The following SRGAP1 variants were observed in gnomAD, a reference collection of about 807,000 sequenced individuals.
The protein encoded by SRGAP1 is SLIT-ROBO Rho GTPase-activating protein 1.
SRGAP1 carries 43 observed loss-of-function variants against 121.9 expected under a neutral mutation model. That is an observed-to-expected ratio of 0.35 (90% confidence interval 0.28 to 0.46). The LOEUF (loss-of-function observed/expected upper bound fraction) is 0.46, where lower values mean the gene tolerates loss of function less well. SRGAP1 is among the 20% of genes least tolerant of loss of function. The pLI is 1.00. For missense variants in SRGAP1, 1,102 were observed against 1,350.9 expected, an observed-to-expected ratio of 0.82 and a Z score of 2.89; for synonymous variants, 447 against 485.4, an observed-to-expected ratio of 0.92 and a Z score of 1.04.
intron 3 of SRGAP1, among the ~76,000 whole-genome samples, chr12:64,016,247 G>A (rs557393694): frequency 3.3e-5 from 5 of 152,176 alleles, no homozygotes; most frequent in African/African-American, 1.2e-4. Context: ...GACCAGTCTG[G>A]GCAATATGGT....
At chr12:64,104,224 A>G (rs1428985335) in intron 15 of SRGAP1, among the ~76,000 whole-genome samples, 2 of 152,338 alleles carry the variant, frequency 1.3e-5, no homozygotes, top group East Asian at 3.9e-4. Flanking sequence ...ACATGGAGCT[A>G]TCTAACCCGC....
intron 1 of SRGAP1, among the ~76,000 whole-genome samples, chr12:63,883,571 A>G (rs1489909051): frequency 1.3e-5 from 2 of 152,194 alleles, no homozygotes; most frequent in African/African-American, 2.4e-5. Flanking sequence ...ATGTCTTCAC[A>G]CTGACAGCCC....
At chr12:64,066,379 C>A (rs1489084736) in intron 8 of SRGAP1, among the ~76,000 whole-genome samples, 1 of 152,142 alleles carries the variant, frequency 6.6e-6, no homozygotes, top group East Asian at 1.9e-4. Context: ...CATTGGCCAA[C>A]CTGGAGAATG....
intron 1 of SRGAP1, among the ~76,000 whole-genome samples, chr12:63,961,333 A>T (rs1482884426): frequency 1.3e-5 from 2 of 152,022 alleles, no homozygotes; most frequent in African/African-American, 4.8e-5. Context: ...TGCCCCTAAT[A>T]TTGGCTAGCA....
At chr12:64,138,500 T>C (rs2036898405) in intron 21 of SRGAP1, among the ~76,000 whole-genome samples, 1 of 140,086 alleles carries the variant, frequency 7.1e-6, no homozygotes, top group Non-Finnish European at 1.5e-5. Flanking sequence ...TCACCCAGGC[T>C]GGAGTGAAGG....
At chr12:64,033,640 C>A (rs2034832631) in intron 4 of SRGAP1, among the ~76,000 whole-genome samples, 1 of 152,078 alleles carries the variant, frequency 6.6e-6, no homozygotes, top group African/African-American at 2.4e-5. Flanking sequence ...ATCGTTTGAA[C>A]CCGGGAGGCG....
At position 64,149,865 on chromosome 12, in the gene SRGAP1, T is replaced by G. The variant is rs965485067; in HGVS notation, c.*7193T>G. On this transcript the variant is annotated 3_prime_UTR_variant, in exon 22 of 22. Transcript: ENST00000355086. ...GGGTTGGTAATTTATTGAAGTTTAG[T>G]AAACGAATTTGAATTAATTAGGACC... 1 of 152,214 alleles carries G rather than the reference T, an allele frequency of 6.6e-6. No homozygotes were observed. The highest frequency in any genetic ancestry group is 2.4e-5 in the African/African-American group (1 of 41,456). The allele number at this position is 152,214 out of a possible 1,614,324, so 9.4% of individuals were successfully genotyped here.
intron 6 of SRGAP1, among the ~76,000 whole-genome samples, chr12:64,049,771 A>G (rs1013822262): frequency 6.6e-6 from 1 of 152,140 alleles, no homozygotes; most frequent in African/African-American, 2.4e-5. Context: ...AGCTTTTGTT[A>G]CTATGGCTGT....
chr12:63,940,010 G>T (rs1485502014), intron 1 of SRGAP1, among the ~76,000 whole-genome samples: 2 of 151,494 alleles, frequency 1.3e-5, no homozygotes, highest in African/African-American at 4.9e-5. Context: ...CGCCCAGGCT[G>T]GAATGCAGTG....
At chr12:64,036,213 C>A (rs2034900435) in intron 4 of SRGAP1, among the ~76,000 whole-genome samples, 1 of 152,176 alleles carries the variant, frequency 6.6e-6, no homozygotes, top group African/African-American at 2.4e-5. Context: ...AGAGAGACAG[C>A]TTGCCCAAAG....
rs982330252 is a variant in SRGAP1, at chr12:64,114,631, G to A, written c.2145-1183G>A. ...CTTCCAAAGTGCTGGGATTACAGGC[G>A]TGAGCCACCGTGCCTGGCCTGGTTA... On this transcript the variant is annotated intron_variant, in intron 17 of 21. Coordinates refer to ENST00000355086, the MANE Select transcript of SRGAP1 (RefSeq NM_020762.4). Among the ~76,000 whole-genome samples the A allele has an allele frequency of 1.2e-4, 19 of 152,150 alleles. No individual in the cohort carries two copies. In the East Asian group the frequency reaches 2.1e-3, roughly 17 times the overall value.
chr12:64,054,733 T>G (rs1166966781), intron 6 of SRGAP1, among the ~76,000 whole-genome samples: 1 of 147,286 alleles, frequency 6.8e-6, no homozygotes, highest in African/African-American at 2.5e-5. Context: ...TTGTTTTAAG[T>G]TTTTTTTTCT....
At chr12:64,105,661 C>T (rs918590382) in intron 15 of SRGAP1, among the ~76,000 whole-genome samples, 1 of 151,994 alleles carries the variant, frequency 6.6e-6, no homozygotes, top group African/African-American at 2.4e-5. Flanking sequence ...GTGGGTGCTC[C>T]TAATCCCAGC....
rs1187912102 is a variant in SRGAP1, at chr12:63,977,057, T to C, written c.68-6890T>C. On this transcript the variant is annotated intron_variant, in intron 1 of 21. Coordinates refer to ENST00000355086, the MANE Select transcript of SRGAP1 (RefSeq NM_020762.4). ...TTAAAAAAAAAAAAGCTCACTTTTA[T>C]GGAATTTTTGCCTGCTCCAAATTTT... 2.0e-5 allele frequency among the ~76,000 whole-genome samples: 3 copies of C among 152,266 alleles called. No homozygotes were observed. The East Asian group carries it at 5.8e-4, about 29-fold the overall frequency.
At chr12:64,069,466 C>T (rs2035601777) in intron 8 of SRGAP1, among the ~76,000 whole-genome samples, 2 of 152,150 alleles carry the variant, frequency 1.3e-5, no homozygotes, top group South Asian at 4.1e-4. Flanking sequence ...TGCAAACTTG[C>T]ACCCTTGGTA....
intron 21 of SRGAP1, among the ~76,000 whole-genome samples, chr12:64,135,586 G>A (rs770015132): frequency 6.6e-6 from 1 of 151,900 alleles, no homozygotes; most frequent in Non-Finnish European, 1.5e-5. Flanking sequence ...TGCCTCTCAC[G>A]AGCGATGAAT....
chr12:63,899,535 G>A (rs1900863930), intron 1 of SRGAP1, among the ~76,000 whole-genome samples: 1 of 152,206 alleles, frequency 6.6e-6, no homozygotes, highest in Admixed American at 6.5e-5. Context: ...GTTATGGACA[G>A]AAAAAGGAAA....
chr12:63,927,987 C>A (rs2031323218), intron 1 of SRGAP1, among the ~76,000 whole-genome samples: 1 of 151,940 alleles, frequency 6.6e-6, no homozygotes, highest in South Asian at 2.1e-4. Context: ...TGCTTTTTGC[C>A]CCTTTGTTTT....
rs192115066 is a variant in SRGAP1, at chr12:64,075,748, T to C, written c.1126-3171T>C. On this transcript the variant is annotated intron_variant, in intron 8 of 21. Transcript: ENST00000355086. ...ACAGTATTTTTAATGGTCATTAATATGCTTTTTTTCCAACAGTATCTACTC... is the reference window on the plus strand; with the variant it reads ...ACAGTATTTTTAATGGTCATTAATACGCTTTTTTTCCAACAGTATCTACTC... Among the ~76,000 whole-genome samples the C allele has an allele frequency of 2.3e-3, 356 of 152,322 alleles. 5 individuals carry two copies. The highest frequency in any genetic ancestry group is 5.4e-4 in the Non-Finnish European group (37 of 68,034).
Sources: allele counts gnomAD v4.1 joint callset (sites outside exome capture counted in the v4.1 genomes callset), GRCh38; gene constraint gnomAD v4.1.1; transcripts MANE v1.5; gene names NCBI Gene and HGNC (gene_info 2026-07-23, HGNC 2026-07-21).